The following SLC4A2 variants were observed in gnomAD, a reference collection of about 807,000 sequenced individuals.
SLC4A2 encodes the protein solute carrier family 4 member 2, also known as anion exchange protein 2.
A neutral mutation model predicts 115.0 loss-of-function variants in SLC4A2; 36 were observed. The observed-to-expected ratio is 0.31, with a 90% CI of 0.24 to 0.41. The LOEUF (loss-of-function observed/expected upper bound fraction) is 0.41. Among genes scored for constraint, SLC4A2 ranks in the 10% least tolerant of loss-of-function variants. The pLI, the probability that SLC4A2 is intolerant of heterozygous loss-of-function variation, is 1.00. For synonymous variants in SLC4A2, 708 were observed against 708.3 expected (o/e 1.00, Z 0.01); for missense variants, 1,252 against 1,705.6 (o/e 0.73, Z 4.68).
At chr7:151,062,972 A>G in intron 2 of SLC4A2, 2 of 1,411,766 alleles carry the variant, frequency 1.4e-6, no homozygotes, top group South Asian at 1.5e-5. Flanking sequence ...AGGGGGCTGC[A>G]TACCCCCGCC....
intron 2 of SLC4A2, chr7:151,063,271 G>A (rs1797118236): frequency 2.8e-6 from 3 of 1,087,804 alleles, no homozygotes; most frequent in Non-Finnish European, 3.7e-6. Context: ...GGCTGGGGGA[G>A]CTCTCCTGGG....
intron 10 of SLC4A2, 50 bp from the exon 11 acceptor site, chr7:151,070,407 C>T (rs748558218): frequency 4.3e-6 from 7 of 1,611,694 alleles, no homozygotes; most frequent in Non-Finnish European, 5.9e-6. Flanking sequence ...TGGGTGTGGA[C>T]TCAGAGTGGG....
Position 151,074,113 on chromosome 7 carries a change from A to G in SLC4A2, c.2610A>G (p.Thr870=). Residue 870 remains threonine (T), a synonymous_variant, in exon 17 of 23, where the codon ACA becomes ACG. Transcript: ENST00000413384. ...AGGTGGACGGCGGTGAGAACATGACATGGGCCGGGGCAAGACCCACGCTGG... is the reference window on the plus strand; with the variant it reads ...AGGTGGACGGCGGTGAGAACATGACGTGGGCCGGGGCAAGACCCACGCTGG... ...SSEVDGGENM[T]WAGARPTLGP... is the part of the protein sequence containing the mutation. The G allele has an allele frequency of 4.3e-6, 7 of 1,611,772 alleles. No individual in the cohort carries two copies. The highest frequency in any genetic ancestry group is 5.1e-6 in the Non-Finnish European group (6 of 1,179,386).
rs145738399 is a variant in SLC4A2 at position 151,076,152 on chromosome 7, T to A, written c.3611T>A (p.Leu1204His). ...ILTVPLRMVV[L>H]TRIFTDREMK... ...ACAGTGCCGCTCCGCATGGTGGTGC[T>A]CACCCGTATCTTCACCGACCGAGAG... Residue 1204 changes from leucine (L) to histidine (H), a missense_variant, in exon 22 of 23, where the codon CTC becomes CAC. Physicochemically the swap from Leu to His is moderately conservative, Grantham distance 99. Coordinates refer to ENST00000413384, the MANE Select transcript of SLC4A2 (RefSeq NM_003040.4). The A allele has an allele frequency of 1.9e-5, 30 of 1,610,522 alleles. No homozygotes were observed. The African/African-American group carries it at 2.7e-4, about 14-fold the overall frequency.
At position 151,066,716 on chromosome 7, in the gene SLC4A2, A is replaced by C; in HGVS notation, c.778A>C (p.Ile260Leu). The change falls in exon 6 of 23, where the codon ATT (isoleucine) becomes CTT (leucine). Residue 260 changes from isoleucine to leucine, a missense_variant. Transcript: ENST00000413384. ...GCTGCCCCGGGTCCCCACGGATGAG[A>C]TTGAGGCCCAGACGCTGGCCACGGC... is the stretch of plus-strand genomic sequence containing the variant. ...ALLPRVPTDE[I>L]EAQTLATADL... 8 of 1,554,100 alleles carry C rather than the reference A, an allele frequency of 5.1e-6. No individual in the cohort carries two copies. The highest frequency in any genetic ancestry group is 7.0e-6 in the Non-Finnish European group (8 of 1,148,866).
chr7:151,067,190 G>A (rs1169653301), intron 7 of SLC4A2, among the ~76,000 whole-genome samples, 197 bp downstream of exon 7: 2 of 152,242 alleles, frequency 1.3e-5, no homozygotes, highest in East Asian at 1.9e-4. Flanking sequence ...CTGGGTTTAA[G>A]CGATTCTCCT....
rs557013894 is a variant in SLC4A2 at position 151,066,535 on chromosome 7, G to T, written c.597G>T (p.Ala199=). Residue 199 remains alanine, a synonymous_variant, in exon 6 of 23, where the codon GCG becomes GCT. Coordinates refer to ENST00000413384, the MANE Select transcript of SLC4A2 (RefSeq NM_003040.4). The part of the protein sequence containing the change: ...GAQAGTQVEE[A]EAEAVAVASG... ...TGCCTAGAACCCAGGTGGAGGAGGC[G>T]GAGGCGGAGGCGGTGGCGGTGGCCA... The T allele has an allele frequency of 1.1e-5, 16 of 1,520,392 alleles. No homozygotes were observed. The highest frequency in any genetic ancestry group is 8.6e-5 in the South Asian group (7 of 81,346). The allele number at this position is 1,520,392 out of a possible 1,614,324, so 94.2% of individuals were successfully genotyped here.
chr7:151,064,202 C>A lies in SLC4A2; in HGVS notation c.52C>A (p.Pro18Thr), dbSNP rs768793193. The change falls in exon 3 of 23, where the codon CCA becomes ACA. Residue 18 changes from proline (P) to threonine (T), a missense_variant and splice_region_variant. Around this residue, in one of 14 missense-constraint regions of SLC4A2, gnomAD observed 74 missense variants for 85.3 expected, o/e 0.87. Transcript: ENST00000413384. ...TTTCTCTCTGCCTTCTTCCTCACAG[C>A]CAGAGCCAGAGAGCTTGGGCCCTGG... ...PAKGADSFCT[P>T]EPESLGPGTP... 1.9e-6 allele frequency: 3 copies of A among 1,611,842 alleles called. No individual in the cohort carries two copies. The Admixed American group carries it at 5.0e-5, about 27-fold the overall frequency.
chr7:151,068,707 A>G (rs1274464783), intron 8 of SLC4A2, among the ~76,000 whole-genome samples: 2 of 151,866 alleles, frequency 1.3e-5, no homozygotes, highest in Admixed American at 1.3e-4. Flanking sequence ...TTTAGTAGAG[A>G]TGGGGTTTCA....
At position 151,061,936 on chromosome 7, in the gene SLC4A2, G is replaced by A. The variant is rs1003341331; in HGVS notation, c.-52G>A. 1.9e-6 allele frequency: 3 copies of A among 1,569,304 alleles called. No homozygotes were observed. Among genetic ancestry groups the A allele is most frequent in the South Asian group, 1.1e-5 (1 of 88,394 alleles). On this transcript the variant is annotated 5_prime_UTR_variant, in exon 2 of 23. Transcript: ENST00000413384. ...TCTCCCCCATCCAGGTTATGCCTCC[G>A]CCTCGTTGCCCTGAAAGCCGCAGCG...
rs397978007 is a variant in SLC4A2 at position 151,069,140 on chromosome 7, C to CA, written c.1148-788dup. On this transcript the variant is annotated intron_variant, in intron 8 of 22. Coordinates refer to ENST00000413384, the MANE Select transcript of SLC4A2 (RefSeq NM_003040.4). The stretch of plus-strand genomic sequence containing the variant: ...AACGACAGAGCGAGACTCTTATCAC[C>CA]AAAAAAAAAAAAAAAAAAAGCAGCT... 1.4e-3 allele frequency among the ~76,000 whole-genome samples: 56 copies of CA among 40,918 alleles called. 5 individuals are homozygous for CA. Among genetic ancestry groups the CA allele is most frequent in the Non-Finnish European group, 1.6e-3 (39 of 23,864 alleles). The allele number at this position is 40,918 out of a possible 152,430, so 26.8% of individuals were successfully genotyped here. A position where few individuals can be genotyped will look rare whatever the true frequency, so the allele number is the denominator to read the frequency against.
chr7:151,067,863 C>T lies in SLC4A2; in HGVS notation c.967-11C>T. 1 of 1,611,774 alleles carries T rather than the reference C, an allele frequency of 6.2e-7. No individual in the cohort carries two copies. Among genetic ancestry groups the T allele is most frequent in the Non-Finnish European group, 8.5e-7 (1 of 1,179,192 alleles). ...TCTGTACCCTGAAATGCCTTCTCTT[C>T]TCTCCCCAAGGTGTTTGTGGAGCTG... On this transcript the variant is annotated splice_polypyrimidine_tract_variant and intron_variant, in intron 7 of 22. Transcript: ENST00000413384.
chr7:151,076,103 G>A lies in SLC4A2; in HGVS notation c.3562G>A (p.Ala1188Thr). 1 of 1,610,860 alleles carries A rather than the reference G, an allele frequency of 6.2e-7. No individual in the cohort carries two copies. Among genetic ancestry groups the A allele is most frequent in the Non-Finnish European group, 8.5e-7 (1 of 1,179,972 alleles). ...WAVMSTAASL[A>T]FPFILILTVP... ...CGTCATGTCCACAGCTGCCTCCCTG[G>A]CCTTCCCCTTCATCCTCATCCTCAC... Residue 1188 changes from alanine to threonine, a missense_variant, in exon 22 of 23, where the codon GCC becomes ACC. This residue lies in a region of SLC4A2 where 253 missense variants were observed against 407.4 expected (regional missense o/e 0.62). Transcript: ENST00000413384.
At chr7:151,065,223 G>T (rs890284476) in intron 5 of SLC4A2, among the ~76,000 whole-genome samples, 7 of 152,186 alleles carry the variant, frequency 4.6e-5, no homozygotes, top group African/African-American at 1.7e-4. Flanking sequence ...TTCTAAGTAT[G>T]GTTTAGCCTG....
rs369371810 is a variant in SLC4A2, at chr7:151,064,270, C to T, written c.120C>T (p.Arg40=). ...AGCAGGAGGAAGACGAACTTCACCG[C>T]ACCCTGGGCGTGGAGCGGTTTGAGG... is the stretch of plus-strand genomic sequence containing the variant. The part of the protein sequence containing the change: ...FPEQEEDELH[R]TLGVERFEEI... The change falls in exon 3 of 23, where the codon CGC becomes CGT. Residue 40 remains arginine (R), a synonymous_variant. Transcript: ENST00000413384. The T allele has an allele frequency of 1.9e-6, 3 of 1,612,536 alleles. No homozygotes were observed. The South Asian group carries it at 3.3e-5, about 18-fold the overall frequency.
At chr7:151,069,343 C>G (rs1212184315) in intron 8 of SLC4A2, among the ~76,000 whole-genome samples, 2 of 151,986 alleles carry the variant, frequency 1.3e-5, no homozygotes, top group Admixed American at 6.6e-5. Flanking sequence ...GTCTTTGTTC[C>G]TGAAAGTTGG....
rs1476549849 is a variant in SLC4A2 at position 151,064,579 on chromosome 7, C to T, written c.271C>T (p.Pro91Ser). Reference protein sequence around the residue: ...IHHPLSTHLPPDARRRKTPQG... With the variant: ...IHHPLSTHLPSDARRRKTPQG... ...TCACCCACTGTCCACCCACCTGCCT[C>T]CGGATGCACGCCGCCGCAAGACACC... is the stretch of plus-strand genomic sequence containing the variant. The change falls in exon 4 of 23, where the codon CCG becomes TCG. Residue 91 changes from proline (P) to serine (S), a missense_variant. Pro to Ser is a moderately conservative substitution (Grantham distance 74). Around this residue, in one of 14 missense-constraint regions of SLC4A2, gnomAD observed 215 missense variants for 205.2 expected, o/e 1.05. Transcript: ENST00000413384. 1.9e-6 allele frequency: 3 copies of T among 1,612,678 alleles called. No homozygotes were observed. Among genetic ancestry groups the T allele is most frequent in the South Asian group, 1.1e-5 (1 of 91,008 alleles).
chr7:151,066,253 A>G (rs1797226228), intron 5 of SLC4A2, among the ~76,000 whole-genome samples: 1 of 152,240 alleles, frequency 6.6e-6, no homozygotes, highest in Admixed American at 6.5e-5. Context: ...GCTGAGGAGC[A>G]GTTGACGTTC....
chr7:151,062,499 A>T, intron 2 of SLC4A2: 1 of 1,155,024 alleles, frequency 8.7e-7, no homozygotes, highest in Non-Finnish European at 1.1e-6. Flanking sequence ...CCCCCTTTGG[A>T]TTTTCCTAAG....
Sources: gnomAD v4.1 joint callset for allele counts (sites outside exome capture counted in the v4.1 genomes callset) on GRCh38, gnomAD v4.1.1 for gene constraint, gnomAD v4.1.1 regional missense constraint, MANE v1.5 for transcripts, NCBI Gene and HGNC (gene_info 2026-07-23, HGNC 2026-07-21) for gene names.